The following ZNF28 variants were observed in gnomAD, a reference collection of about 807,000 sequenced individuals.
The protein encoded by ZNF28 is zinc finger protein KOX24.
In ZNF28, 5 loss-of-function variants were observed where a neutral mutation model predicts 7.2. The ratio of observed to expected loss-of-function variants is 0.70; its 90% CI spans 0.36 to 1.46. The LOEUF is 1.46. Among genes scored for constraint, ZNF28 ranks in the 40% most tolerant of loss-of-function variants. The probability of loss-of-function intolerance (pLI) is 0.03; values close to 1 mark genes in which losing one functional copy is unlikely to be tolerated. For missense variants in ZNF28, 879 were observed against 866.6 expected (o/e 1.01, Z -0.18); for synonymous variants, 288 against 292.4 (o/e 0.99, Z 0.15).
intron 3 of ZNF28, chr19:52,807,736 AG>A: frequency 1.9e-6 from 1 of 516,204 alleles, no homozygotes; most frequent in East Asian, 4.1e-5. Context: ...TGGCCTCCCA[AG>A]GTGCTGGGAT....
rs557355183 is a variant in ZNF28 at position 52,813,477 on chromosome 19, C to T, written c.15+4467G>A. ...TAGGGGCTGCTCCAGGGTAGGCGGG[C>T]GGGGGTGGTAGGAGGTTTTTTTTTT... On this transcript the variant is annotated intron_variant, in intron 2 of 3. Coordinates refer to ENST00000457749, the MANE Select transcript of ZNF28 (RefSeq NM_006969.5). Among the ~76,000 whole-genome samples the T allele has an allele frequency of 1.0e-4, 12 of 119,372 alleles. 1 individual carries two copies. The highest frequency in any genetic ancestry group is 1.7e-4 in the Admixed American group (2 of 11,652). 78.3% of individuals were successfully genotyped at this position (119,372 alleles called of 152,430 possible).
At chr19:52,804,615 C>T (rs8112444) in intron 3 of ZNF28, among the ~76,000 whole-genome samples, 2,421 of 152,328 alleles carry the variant, frequency 0.016, 72 homozygotes, top group African/African-American at 0.056. Context: ...AAGTGATCAA[C>T]CGATCGCAGT....
chr19:52,811,760 TCG>T (rs2063046378), intron 2 of ZNF28, among the ~76,000 whole-genome samples: 1 of 128,932 alleles, frequency 7.8e-6, no homozygotes, highest in Non-Finnish European at 1.7e-5. Context: ...GGGAGGGAGG[TCG>T]GGGGGGTCAG....
At chr19:52,817,834 A>G in intron 2 of ZNF28, 110 bp downstream of exon 2, 2 of 1,575,116 alleles carry the variant, frequency 1.3e-6, no homozygotes, top group Non-Finnish European at 1.7e-6. Context: ...GGTGAGGGTG[A>G]GCAAACATAT....
At chr19:52,811,145 C>T (rs552887899) in intron 2 of ZNF28, among the ~76,000 whole-genome samples, 9 of 150,824 alleles carry the variant, frequency 6.0e-5, no homozygotes, top group Admixed American at 4.0e-4. Context: ...CCGCCAGCCT[C>T]GGCCTCCCGA....
rs913911971 is a variant in ZNF28 at position 52,819,947 on chromosome 19, T to C, written c.-74+1639A>G. Among the ~76,000 whole-genome samples the C allele has an allele frequency of 1.3e-4, 19 of 144,476 alleles. 1 individual carries two copies. The highest frequency in any genetic ancestry group is 7.1e-3 in the Middle Eastern group (2 of 280). The allele number at this position is 144,476 out of a possible 152,430, so 94.8% of individuals were successfully genotyped here. ...AATCAAGAATACATGGGTGGACAGC[T>C]GAGGTGGTTCACACCTGTAATTCCA... On this transcript the variant is annotated intron_variant, in intron 1 of 3. Transcript: ENST00000457749.
rs2063008081 is a variant in ZNF28, at chr19:52,810,606, C to T, written c.16-2473G>A. 1.7e-5 allele frequency: 26 copies of T among 1,505,858 alleles called. 1 individual carries two copies. In the South Asian group the frequency reaches 2.8e-4, roughly 16 times the overall value. The allele number at this position is 1,505,858 out of a possible 1,614,324, so 93.3% of individuals were successfully genotyped here. A position where few individuals can be genotyped will look rare whatever the true frequency, so the allele number is the denominator to read the frequency against. On this transcript the variant is annotated intron_variant, in intron 2 of 3. Coordinates refer to ENST00000457749, the MANE Select transcript of ZNF28 (RefSeq NM_006969.5). ...CGCTACCGCGCCCGACCACCAACTA[C>T]AGCAGTTCCTGCTCTCCATTCTACA... is the stretch of plus-strand genomic sequence containing the variant.
intron 2 of ZNF28, chr19:52,810,055 G>A: frequency 1.3e-6 from 1 of 741,514 alleles, no homozygotes; most frequent in Non-Finnish European, 2.4e-6. Flanking sequence ...CGCGCCCCAT[G>A]CCTGGGAGCT....
At chr19:52,803,144 A>C (rs1254374947) in intron 3 of ZNF28, among the ~76,000 whole-genome samples, 1 of 152,094 alleles carries the variant, frequency 6.6e-6, no homozygotes. Context: ...CAATGGTATG[A>C]TCTTGGCTCA....
At position 52,819,573 on chromosome 19, in the gene ZNF28, T is replaced by C. The variant is rs189951046; in HGVS notation, c.-73-1542A>G. ...CTGGTCTAGCCCCTCATCTCCAAGT[T>C]GCAGGGGAGGCTCACTGGGGCTCAG... On this transcript the variant is annotated intron_variant, in intron 1 of 3. Coordinates refer to ENST00000457749, the MANE Select transcript of ZNF28 (RefSeq NM_006969.5). 8.5e-4 allele frequency among the ~76,000 whole-genome samples: 47 copies of C among 55,578 alleles called. 2 individuals carry two copies. Among genetic ancestry groups the C allele is most frequent in the African/African-American group, 2.5e-3 (40 of 15,972 alleles). 36.5% of individuals were successfully genotyped at this position (55,578 alleles called of 152,430 possible). A position where few individuals can be genotyped will look rare whatever the true frequency, so the allele number is the denominator to read the frequency against.
chr19:52,800,270 A>C lies in ZNF28; in HGVS notation c.1575T>G (p.Cys525Trp). 6.2e-7 allele frequency: 1 copy of C among 1,613,440 alleles called. No individual in the cohort carries two copies. The highest frequency in any genetic ancestry group is 1.3e-5 in the African/African-American group (1 of 74,882). Residue 525 changes from cysteine (C) to tryptophan (W), a missense_variant, in exon 4 of 4, where the codon TGT (cysteine) becomes TGG (tryptophan). By Grantham distance (215) the Cys-to-Trp change is radical. This residue lies in a region of ZNF28 where 864 missense variants were observed against 830.2 expected (regional missense o/e 1.04). Coordinates refer to ENST00000457749, the MANE Select transcript of ZNF28 (RefSeq NM_006969.5). ...RVHTGEKPYM[C>W]NECGKVFSTK... The stretch of plus-strand genomic sequence containing the variant: ...TACTAAAAACCTTGCCACATTCATT[A>C]CACATGTATGGTTTCTCTCCAGTAT...
At chr19:52,813,257 A>AAAAAAAAAAAAAAC (rs2063077702) in intron 2 of ZNF28, among the ~76,000 whole-genome samples, 1 of 146,322 alleles carries the variant, frequency 6.8e-6, no homozygotes, top group Non-Finnish European at 1.5e-5. Context: ...GTGAAAAAAA[A>AAAAAAAAAAAAAAC]AAAAAAAAAA....
intron 2 of ZNF28, chr19:52,810,858 T>TCCCC (rs538037515): frequency 2.2e-5 from 1 of 45,064 alleles, no homozygotes; most frequent in Non-Finnish European, 3.5e-5. Flanking sequence ...CCTCTCCCTC[T>TCCCC]CCCCCTCCCC....
In ZNF28 at chr19:52,815,503, T is replaced by C. The variant is rs2063111218; in HGVS notation, c.15+2441A>G. Among the ~76,000 whole-genome samples the C allele has an allele frequency of 1.4e-5, 2 of 141,072 alleles. 1 individual carries two copies. The highest frequency in any genetic ancestry group is 5.7e-5 in the African/African-American group (2 of 35,140). The allele number at this position is 141,072 out of a possible 152,430, so 92.5% of individuals were successfully genotyped here. On this transcript the variant is annotated intron_variant, in intron 2 of 3. Coordinates refer to ENST00000457749, the MANE Select transcript of ZNF28 (RefSeq NM_006969.5). Reference sequence around the variant, plus strand: ...TAATACTCCAGTCTGGGCAACAAGATCATAACTCAGTCTCAAAAAAATAAA... The same window carrying C: ...TAATACTCCAGTCTGGGCAACAAGACCATAACTCAGTCTCAAAAAAATAAA...
intron 2 of ZNF28, 119 bp downstream of exon 2, chr19:52,817,825 G>T: frequency 6.4e-7 from 1 of 1,563,328 alleles, no homozygotes. Flanking sequence ...GAAGGCATGG[G>T]TGAGGGTGAG....
chr19:52,799,863 T>C lies in ZNF28; in HGVS notation c.1982A>G (p.Lys661Arg). ...VYHHRLHSGE[K>R]PYKCNECGKV... is the part of the protein sequence containing the mutation. ...GCCACATTCATTACACTTGTAAGGTTTCTCTCCACTATGAAGCCTATGATG... is the reference window on the plus strand; with the variant it reads ...GCCACATTCATTACACTTGTAAGGTCTCTCTCCACTATGAAGCCTATGATG... Residue 661 changes from lysine to arginine, a missense_variant, in exon 4 of 4, where the codon AAA (lysine) becomes AGA (arginine). Coordinates refer to ENST00000457749, the MANE Select transcript of ZNF28 (RefSeq NM_006969.5). 6.2e-7 allele frequency: 1 copy of C among 1,614,104 alleles called. No individual in the cohort carries two copies. The highest frequency in any genetic ancestry group is 8.5e-7 in the Non-Finnish European group (1 of 1,180,002).
Position 52,799,905 on chromosome 19 carries a change from A to G in ZNF28, c.1940T>C (p.Met647Thr). Residue 647 changes from methionine to threonine, a missense_variant, in exon 4 of 4, where the codon ATG becomes ACG. Coordinates refer to ENST00000457749, the MANE Select transcript of ZNF28 (RefSeq NM_006969.5). ...CNECGKTFSQ[M>T]SSLVYHHRLH... is the part of the protein sequence containing the mutation. ...CCTATGATGGTATACGAGGGATGAC[A>G]TCTGACTGAAGGTCTTGCCACACTC... is the stretch of plus-strand genomic sequence containing the variant. 1 of 1,612,766 alleles carries G rather than the reference A, an allele frequency of 6.2e-7. No homozygotes were observed. The highest frequency in any genetic ancestry group is 8.5e-7 in the Non-Finnish European group (1 of 1,179,580).
Position 52,801,707 on chromosome 19 carries a change from A to G in ZNF28, c.143-5T>C. 1.2e-6 allele frequency: 2 copies of G among 1,609,334 alleles called. No homozygotes were observed. The highest frequency in any genetic ancestry group is 2.2e-5 in the South Asian group (2 of 90,492). On this transcript the variant is annotated splice_polypyrimidine_tract_variant and splice_region_variant and intron_variant, in intron 3 of 3. Transcript: ENST00000457749. ...TCATGCATTTGGAAGAGATATCTAC[A>G]AAATATAAACACCAATAGGTTTCCA...
Position 52,798,982 on chromosome 19 carries a change from A to C in ZNF28, c.*706T>G. On this transcript the variant is annotated 3_prime_UTR_variant, in exon 4 of 4. Coordinates refer to ENST00000457749, the MANE Select transcript of ZNF28 (RefSeq NM_006969.5). ...TTCTAGTATGGTGTGCCAGGTGTGA[A>C]TCACTCCCAAAAGCCTTGTTACAAA... 9.2e-7 allele frequency: 1 copy of C among 1,091,578 alleles called. No homozygotes were observed. The highest frequency in any genetic ancestry group is 1.4e-5 in the South Asian group (1 of 69,886). The allele number at this position is 1,091,578 out of a possible 1,614,324, so 67.6% of individuals were successfully genotyped here. A position where few individuals can be genotyped will look rare whatever the true frequency, so the allele number is the denominator to read the frequency against.
Sources: gnomAD v4.1 joint callset for allele counts (sites outside exome capture counted in the v4.1 genomes callset) on GRCh38, gnomAD v4.1.1 for gene constraint, gnomAD v4.1.1 regional missense constraint, MANE v1.5 for transcripts, NCBI Gene and HGNC (gene_info 2026-07-23, HGNC 2026-07-21) for gene names.